The following TUBA4B variants were observed in gnomAD, a reference collection of about 807,000 sequenced individuals.
TUBA4B encodes the protein tubulin alpha 4b, also known as tubulin-like protein alpha-4B.
Under a neutral mutation model 18.4 loss-of-function variants are expected in TUBA4B, and 13 were observed. The observed-to-expected ratio is 0.71, with a 90% confidence interval of 0.46 to 1.12. TUBA4B has a LOEUF of 1.12. TUBA4B is among the 50% of genes most tolerant of loss of function. The pLI, the probability that TUBA4B is intolerant of heterozygous loss-of-function variation, is 0.00. For synonymous variants in TUBA4B, 101 were observed against 99.1 expected (o/e 1.02, Z -0.11); for missense variants, 244 against 250.0 (o/e 0.98, Z 0.16).
Position 219,266,504 on chromosome 2 carries a change from T to C in TUBA4B, c.13-17T>C, listed in dbSNP as rs1951790475. The stretch of plus-strand genomic sequence containing the variant: ...TGCAGGCCTCTCACAGATCTATCCC[T>C]GCTCACTATCCTGCAGCAGACAGAG... On this transcript the variant is annotated splice_polypyrimidine_tract_variant and intron_variant, in intron 1 of 3. Transcript: ENST00000490341. 1 of 702,852 alleles carries C rather than the reference T, an allele frequency of 1.4e-6. No homozygotes were observed. The highest frequency in any genetic ancestry group is 2.6e-6 in the Non-Finnish European group (1 of 384,910). The allele number at this position is 702,852 out of a possible 1,614,324, so 43.5% of individuals were successfully genotyped here. A position where few individuals can be genotyped will look rare whatever the true frequency, so the allele number is the denominator to read the frequency against.
intron 1 of TUBA4B, among the ~76,000 whole-genome samples, chr2:219,259,793 G>T (rs1951748809): frequency 6.6e-6 from 1 of 152,124 alleles, no homozygotes; most frequent in Non-Finnish European, 1.5e-5. Context: ...TTAGTGATGT[G>T]CATCCTTCAG....
At chr2:219,260,074 CT>C (rs1559279942) in intron 1 of TUBA4B, among the ~76,000 whole-genome samples, 1 of 152,062 alleles carries the variant, frequency 6.6e-6, no homozygotes, top group East Asian at 1.9e-4. Context: ...TCTTGAAATT[CT>C]TTTTTGTTGG....
intron 1 of TUBA4B, chr2:219,253,982 GC>G: frequency 9.5e-7 from 1 of 1,052,806 alleles, no homozygotes; most frequent in Non-Finnish European, 1.3e-6. Context: ...TTCCCCGCTC[GC>G]CCACTAGAGG....
intron 2 of TUBA4B, among the ~76,000 whole-genome samples, chr2:219,266,860 G>A (rs1490968301): frequency 6.6e-6 from 1 of 152,108 alleles, no homozygotes; most frequent in Non-Finnish European, 1.5e-5. Context: ...TGGGGAGTGT[G>A]GGGGAAGCAG....
chr2:219,267,136 C>T (rs1345463330), intron 2 of TUBA4B, among the ~76,000 whole-genome samples: 3 of 152,128 alleles, frequency 2.0e-5, no homozygotes, highest in African/African-American at 7.2e-5. Context: ...GCTGGCTGTG[C>T]CTGGGGCTTA....
chr2:219,267,600 G>A (rs1440645482), intron 2 of TUBA4B, among the ~76,000 whole-genome samples: 11 of 149,112 alleles, frequency 7.4e-5, no homozygotes, highest in Admixed American at 1.3e-4. Context: ...TTTTTGAGAC[G>A]GAGTCTCATT....
chr2:219,264,121 C>T (rs1037002386), intron 1 of TUBA4B, among the ~76,000 whole-genome samples: 1 of 152,116 alleles, frequency 6.6e-6, no homozygotes, highest in Non-Finnish European at 1.5e-5. Flanking sequence ...TACATGCATA[C>T]ATATGACCAA....
intron 1 of TUBA4B, among the ~76,000 whole-genome samples, chr2:219,259,384 A>ATTGTGTGTGTGTGTGT (rs1265687472): frequency 6.7e-6 from 1 of 148,266 alleles, no homozygotes; most frequent in Non-Finnish European, 1.5e-5. Flanking sequence ...TCTGCTTCTG[A>ATTGTGTGTGTGTGTGT]TTGTGTGTGT....
chr2:219,262,347 CA>C (rs903182693), intron 1 of TUBA4B, among the ~76,000 whole-genome samples: 37 of 152,192 alleles, frequency 2.4e-4, no homozygotes, highest in African/African-American at 8.9e-4. Context: ...CAAAACAAAA[CA>C]AATATCACCT....
intron 2 of TUBA4B, among the ~76,000 whole-genome samples, chr2:219,268,865 G>A (rs1381720496): frequency 1.3e-5 from 2 of 152,226 alleles, no homozygotes; most frequent in Admixed American, 6.5e-5. Flanking sequence ...GGAAGCCAAG[G>A]CAGGTAGACT....
Position 219,253,436 on chromosome 2 carries a change from C to T in TUBA4B, c.12+17C>T. On this transcript the variant is annotated intron_variant, in intron 1 of 3. Coordinates refer to ENST00000490341, the MANE Select transcript of TUBA4B (RefSeq NM_001355221.1). ...CGGCACCAGGTAACCTGACCCCTTC[C>T]ACCTTCTAGCGCCAAGCACGTGCTC... 2.0e-6 allele frequency: 3 copies of T among 1,501,082 alleles called. No individual in the cohort carries two copies. The South Asian group carries it at 3.6e-5, about 18-fold the overall frequency. The allele number at this position is 1,501,082 out of a possible 1,614,324, so 93.0% of individuals were successfully genotyped here.
chr2:219,264,321 G>A (rs1391257507), intron 1 of TUBA4B, among the ~76,000 whole-genome samples: 1 of 152,026 alleles, frequency 6.6e-6, no homozygotes, highest in Non-Finnish European at 1.5e-5. Context: ...TTAGCCAGGC[G>A]TGGTGGCATG....
intron 2 of TUBA4B, among the ~76,000 whole-genome samples, chr2:219,269,669 T>C (rs1279362378): frequency 1.3e-5 from 2 of 152,178 alleles, no homozygotes; most frequent in Admixed American, 6.5e-5. Context: ...CGGTGTGCAG[T>C]TGGCAATGCC....
intron 1 of TUBA4B, among the ~76,000 whole-genome samples, chr2:219,265,016 C>A (rs1390864981): frequency 6.6e-6 from 1 of 152,054 alleles, no homozygotes; most frequent in African/African-American, 2.4e-5. Context: ...TTTAGTCAAA[C>A]AAGGATGTTG....
At chr2:219,270,131 G>T (rs1050741206) in intron 2 of TUBA4B, 71 bp from the exon 3 acceptor site, 1 of 679,208 alleles carries the variant, frequency 1.5e-6, no homozygotes, top group Non-Finnish European at 2.7e-6. Context: ...GGTCCCCTGG[G>T]GCTCCAGCAG....
chr2:219,264,804 G>T (rs1290952110), intron 1 of TUBA4B, among the ~76,000 whole-genome samples: 6 of 152,228 alleles, frequency 3.9e-5, no homozygotes, highest in Non-Finnish European at 2.9e-5. Context: ...GTGGTTGGCT[G>T]CAGGCAACTG....
In TUBA4B at chr2:219,267,584, T is replaced by TG. The variant is rs1951797992; in HGVS notation, c.58+1018_58+1019insG. The stretch of plus-strand genomic sequence containing the variant: ...CAGAGGCTGAGTTCTTTTTTTTGTT[T>TG]TTTTTTTTTTGAGACGGAGTCTCAT... On this transcript the variant is annotated intron_variant, in intron 2 of 3. Coordinates refer to ENST00000490341, the MANE Select transcript of TUBA4B (RefSeq NM_001355221.1). 2.0e-5 allele frequency among the ~76,000 whole-genome samples: 3 copies of TG among 151,426 alleles called. No individual in the cohort carries two copies. In the South Asian group the frequency reaches 6.3e-4, roughly 32 times the overall value.
At position 219,253,430 on chromosome 2, in the gene TUBA4B, C is replaced by T. The variant is rs1338848700; in HGVS notation, c.12+11C>T. Reference sequence around the variant, plus strand: ...GGGATGCGGCACCAGGTAACCTGACCCCTTCCACCTTCTAGCGCCAAGCAC... The same window carrying T: ...GGGATGCGGCACCAGGTAACCTGACTCCTTCCACCTTCTAGCGCCAAGCAC... On this transcript the variant is annotated intron_variant, in intron 1 of 3. Transcript: ENST00000490341. The T allele has an allele frequency of 2.0e-6, 3 of 1,510,708 alleles. No individual in the cohort carries two copies. The Admixed American group carries it at 5.9e-5, about 30-fold the overall frequency. The allele number at this position is 1,510,708 out of a possible 1,614,324, so 93.6% of individuals were successfully genotyped here.
chr2:219,258,097 G>A (rs776328107), intron 1 of TUBA4B, among the ~76,000 whole-genome samples: 8 of 148,532 alleles, frequency 5.4e-5, no homozygotes, highest in Admixed American at 2.7e-4. Flanking sequence ...AGGTTCAAGC[G>A]ATTCTGCTGC....
Sources: gnomAD v4.1 joint callset for allele counts (sites outside exome capture counted in the v4.1 genomes callset) on GRCh38, gnomAD v4.1.1 for gene constraint, MANE v1.5 for transcripts, NCBI Gene and HGNC (gene_info 2026-07-23, HGNC 2026-07-21) for gene names.